NFIB: variants seen among roughly 807,000 people sequenced by gnomAD.
The protein encoded by NFIB is nuclear factor 1 B-type.
A neutral mutation model predicts 61.5 loss-of-function variants in NFIB; 11 were observed. That is an observed-to-expected ratio of 0.18 (90% CI 0.11 to 0.30). NFIB has a LOEUF of 0.30. NFIB is among the 10% of genes least tolerant of loss of function. The pLI, the probability that NFIB is intolerant of heterozygous loss-of-function variation, is 1.00. For synonymous variants in NFIB, 260 were observed against 216.5 expected (o/e 1.20, Z -1.76); for missense variants, 471 against 608.9 (o/e 0.77, Z 2.38).
At chr9:14,466,075 A>G in the NFIB span, among the ~76,000 whole-genome samples, 2 of 152,060 alleles carry the variant, frequency 1.3e-5, no homozygotes, top group African/African-American at 4.8e-5. Context: ...GCTTAGTGAG[A>G]AGCAGAATGC....
chr9:14,518,705 G>A, the NFIB span, among the ~76,000 whole-genome samples: 1 of 152,082 alleles, frequency 6.6e-6, no homozygotes, highest in African/African-American at 2.4e-5. Flanking sequence ...TAGAGGAAGG[G>A]AAGCTGAAGA....
At chr9:14,224,505 C>A (rs2052112797) in intron 2 of NFIB, among the ~76,000 whole-genome samples, 1 of 152,138 alleles carries the variant, frequency 6.6e-6, no homozygotes, top group African/African-American at 2.4e-5. Context: ...AACCATGGAA[C>A]AAAAATATTC....
chr9:14,290,142 G>C (rs1433441714), intron 2 of NFIB, among the ~76,000 whole-genome samples: 1 of 152,050 alleles, frequency 6.6e-6, no homozygotes, highest in Non-Finnish European at 1.5e-5. Flanking sequence ...CTCTAGGGAA[G>C]GTTATTTCCT....
At chr9:14,318,147 T>G (rs1027009831), upstream of NFIB, among the ~76,000 whole-genome samples, 3 of 152,178 alleles carry the variant, frequency 2.0e-5, no homozygotes, top group Non-Finnish European at 4.4e-5. Flanking sequence ...GAAACTCTGT[T>G]ATTTCAGTAT....
chr9:14,306,750 A>G (rs1463399263), intron 2 of NFIB, among the ~76,000 whole-genome samples: 6 of 152,260 alleles, frequency 3.9e-5, no homozygotes, highest in African/African-American at 1.2e-4. Context: ...TTGAAAACGC[A>G]CCTCTTTGTG....
chr9:14,366,213 A>T (rs549075257), intron 1 of NFIB, among the ~76,000 whole-genome samples: 22 of 152,324 alleles, frequency 1.4e-4, no homozygotes, highest in African/African-American at 5.3e-4. Context: ...ATTGAGATCC[A>T]GTTGCATTAC....
chr9:14,322,307 G>A (rs2060680367), intron 1 of NFIB: 2 of 301,874 alleles, frequency 6.6e-6, no homozygotes, highest in African/African-American at 4.3e-5. Flanking sequence ...GTGTGTGTGT[G>A]TGCGCCCGCG....
At chr9:14,214,543 C>T (rs1023306860) in intron 2 of NFIB, among the ~76,000 whole-genome samples, 8 of 152,210 alleles carry the variant, frequency 5.3e-5, no homozygotes, top group Admixed American at 1.3e-4. Context: ...AGAAAAGTCA[C>T]GCTTTCCTCT....
intron 10 of NFIB, among the ~76,000 whole-genome samples, chr9:14,106,758 G>T (rs2036613811): frequency 6.6e-6 from 1 of 152,010 alleles, no homozygotes; most frequent in Non-Finnish European, 1.5e-5. Flanking sequence ...ATTCAAATGG[G>T]GGTCCTCCTT....
chr9:14,519,852 T>C, the NFIB span, among the ~76,000 whole-genome samples: 7 of 152,216 alleles, frequency 4.6e-5, no homozygotes, highest in South Asian at 2.1e-4. Context: ...TGAGCCCAGA[T>C]AGTCTAGCCT....
At chr9:14,463,868 G>T in the NFIB span, among the ~76,000 whole-genome samples, 112,543 of 151,320 alleles carry the variant, frequency 0.74, 42,078 homozygotes, top group East Asian at 0.88. Context: ...CACCGTGTTA[G>T]CCAGGATGGC....
chr9:14,457,993 G>A, the NFIB span, among the ~76,000 whole-genome samples: 32 of 152,152 alleles, frequency 2.1e-4, no homozygotes, highest in African/African-American at 7.5e-4. Flanking sequence ...TAGAAAAAGA[G>A]GGAATCCTCC....
At chr9:14,366,170 C>T (rs1332381376) in intron 1 of NFIB, among the ~76,000 whole-genome samples, 1 of 152,180 alleles carries the variant, frequency 6.6e-6, no homozygotes, top group African/African-American at 2.4e-5. Context: ...TCAACAGAGG[C>T]TTTAGGCCCC....
intron 1 of NFIB, among the ~76,000 whole-genome samples, chr9:14,373,096 G>A (rs1208293616): frequency 6.6e-6 from 1 of 152,134 alleles, no homozygotes; most frequent in Non-Finnish European, 1.5e-5. Context: ...CAGGGACAAT[G>A]ACAATCAAGA....
intron 2 of NFIB, among the ~76,000 whole-genome samples, chr9:14,236,681 A>G (rs1391313560): frequency 6.6e-6 from 1 of 152,170 alleles, no homozygotes; most frequent in Non-Finnish European, 1.5e-5. Flanking sequence ...GAATAAGGAT[A>G]TATTTTTCAT....
chr9:14,339,079 T>C (rs764066637), intron 1 of NFIB, among the ~76,000 whole-genome samples: 1 of 152,202 alleles, frequency 6.6e-6, no homozygotes, highest in African/African-American at 2.4e-5. Context: ...TTAAACTTCT[T>C]GTTTCCCCTG....
chr9:14,293,497 T>C (rs759390588), intron 2 of NFIB, among the ~76,000 whole-genome samples: 2 of 152,148 alleles, frequency 1.3e-5, no homozygotes, highest in Non-Finnish European at 2.9e-5. Flanking sequence ...GAGGAGGAAA[T>C]TACGCCTCAT....
At chr9:14,165,763 A>C (rs887202851) in intron 3 of NFIB, among the ~76,000 whole-genome samples, 1 of 152,174 alleles carries the variant, frequency 6.6e-6, no homozygotes, top group African/African-American at 2.4e-5. Context: ...ACAAAAAGAC[A>C]AATACTGTAT....
At chr9:14,453,045 T>A in the NFIB span, among the ~76,000 whole-genome samples, 4 of 152,350 alleles carry the variant, frequency 2.6e-5, no homozygotes, top group South Asian at 8.3e-4. Context: ...CATGGGTGCA[T>A]AAGCCCACCA....
Sources: allele counts gnomAD v4.1 joint callset (sites outside exome capture counted in the v4.1 genomes callset), GRCh38; gene constraint gnomAD v4.1.1; transcripts MANE v1.5; gene names NCBI Gene and HGNC (gene_info 2026-07-23, HGNC 2026-07-21).